BMP1: variants seen among roughly 807,000 people sequenced by gnomAD.
BMP1 encodes the protein mammalian tolloid protein.
BMP1 carries 63 observed loss-of-function variants against 116.8 expected under a neutral mutation model. The observed-to-expected ratio is 0.54, with a 90% confidence interval of 0.44 to 0.67. BMP1 has a LOEUF of 0.67. Among genes scored for constraint, BMP1 ranks in the 30% least tolerant of loss-of-function variants. The pLI is 0.00. For synonymous variants in BMP1, 536 were observed against 533.4 expected (o/e 1.00, Z -0.07); for missense variants, 1,183 against 1,358.9 (o/e 0.87, Z 2.04).
At position 22,176,979 on chromosome 8, in the gene BMP1, T is replaced by C. The variant is rs768438961; in HGVS notation, c.570T>C (p.Gly190=). 1 of 1,610,936 alleles carries C rather than the reference T, an allele frequency of 6.2e-7. No individual in the cohort carries two copies. The highest frequency in any genetic ancestry group is 8.5e-7 in the Non-Finnish European group (1 of 1,178,856). Residue 190 remains glycine (G), a synonymous_variant, in exon 5 of 20, where the codon GGT becomes GGC. Coordinates refer to ENST00000306385, the MANE Select transcript of BMP1 (RefSeq NM_006129.5). ...YRPCGCCSYV[G]RRGGGPQAIS... ...CCTCCAGGTGCTGCTCCTACGTGGG[T>C]CGCCGCGGCGGGGGCCCCCAGGCCA...
At chr8:22,208,494 C>T (rs1241226332) in intron 18 of BMP1, among the ~76,000 whole-genome samples, 1 of 152,164 alleles carries the variant, frequency 6.6e-6, no homozygotes, top group African/African-American at 2.4e-5. Flanking sequence ...AAGAAAGGCA[C>T]CCCGGCCTAA....
In BMP1 at chr8:22,194,958, C is replaced by T. The variant is rs187276485; in HGVS notation, c.1639+39C>T. The T allele has an allele frequency of 9.7e-6, 15 of 1,553,908 alleles. No homozygotes were observed. In the African/African-American group the frequency reaches 1.1e-4, roughly 11 times the overall value. On this transcript the variant is annotated intron_variant, in intron 12 of 19. Coordinates refer to ENST00000306385, the MANE Select transcript of BMP1 (RefSeq NM_006129.5). The surrounding 1 kb of genome is among the most constrained non-coding windows in gnomAD (Gnocchi z 4.5). ...TACTCTCCCCTGCCCCAAGGTGCCT[C>T]GTGACCTTCATCCCTTCTTCACTCA... is the stretch of plus-strand genomic sequence containing the variant.
At chr8:22,193,366 A>C (rs994984161) in intron 9 of BMP1, among the ~76,000 whole-genome samples, 2 of 152,196 alleles carry the variant, frequency 1.3e-5, no homozygotes, top group Non-Finnish European at 2.9e-5. Flanking sequence ...TTCTGATTAT[A>C]TTTCTGATTT....
At chr8:22,195,440 C>T in intron 12 of BMP1, 22 bp from the exon 13 acceptor site, 1 of 1,590,294 alleles carries the variant, frequency 6.3e-7, no homozygotes, top group Non-Finnish European at 8.5e-7. Flanking sequence ...GAGTCTGTGA[C>T]ACCCTTTCCT....
Position 22,179,693 on chromosome 8 carries a change from C to T in BMP1, c.837-12C>T. 6.2e-7 allele frequency: 1 copy of T among 1,613,658 alleles called. No individual in the cohort carries two copies. The highest frequency in any genetic ancestry group is 1.1e-5 in the South Asian group (1 of 91,008). On this transcript the variant is annotated splice_polypyrimidine_tract_variant and intron_variant, in intron 6 of 19. Coordinates refer to ENST00000306385, the MANE Select transcript of BMP1 (RefSeq NM_006129.5). The surrounding 1 kb of genome is among the most constrained non-coding windows in gnomAD (Gnocchi z 4.6). The stretch of plus-strand genomic sequence containing the variant: ...TGAGACGCTCACCCTTACTTTTCTC[C>T]CTCTTCTTCAGGGGCATCTTCCTGG...
Position 22,169,121 on chromosome 8 carries a change from A to G in BMP1, c.148+3568A>G, listed in dbSNP as rs146763079. Among the ~76,000 whole-genome samples the G allele has an allele frequency of 3.4e-3, 511 of 148,938 alleles. 2 individuals are homozygous for G. Among genetic ancestry groups the G allele is most frequent in the Middle Eastern group, 7.0e-3 (2 of 284 alleles). ...GTTCAAGGCTGAGTCCAGGAGCTGG[A>G]GGCTGTAGTGAGCTATGATTGTGCC... On this transcript the variant is annotated intron_variant, in intron 1 of 19. Coordinates refer to ENST00000306385, the MANE Select transcript of BMP1 (RefSeq NM_006129.5).
At chr8:22,187,759 T>G (rs1828818373) in intron 8 of BMP1, among the ~76,000 whole-genome samples, 1 of 152,136 alleles carries the variant, frequency 6.6e-6, no homozygotes, top group South Asian at 2.1e-4. Flanking sequence ...CCAAAAAATC[T>G]TAAGCAAACT....
chr8:22,194,978 C>A lies in BMP1; in HGVS notation c.1639+59C>A. On this transcript the variant is annotated intron_variant, in intron 12 of 19. Coordinates refer to ENST00000306385, the MANE Select transcript of BMP1 (RefSeq NM_006129.5). The surrounding 1 kb of genome is among the most constrained non-coding windows in gnomAD (Gnocchi z 4.5). ...TGCCTCGTGACCTTCATCCCTTCTT[C>A]ACTCACTCATTCAACACGGAGACTC... 1 of 1,501,938 alleles carries A rather than the reference C, an allele frequency of 6.7e-7. No homozygotes were observed. Among genetic ancestry groups the A allele is most frequent in the Non-Finnish European group, 9.0e-7 (1 of 1,107,398 alleles). The allele number at this position is 1,501,938 out of a possible 1,614,324, so 93.0% of individuals were successfully genotyped here.
rs994518053 is a variant in BMP1, at chr8:22,212,032, A to T, written c.*304A>T. The T allele has an allele frequency of 6.9e-6, 3 of 432,726 alleles. No individual in the cohort carries two copies. The highest frequency in any genetic ancestry group is 6.9e-5 in the Admixed American group (2 of 29,192). 26.8% of individuals were successfully genotyped at this position (432,726 alleles called of 1,614,324 possible). Reference sequence around the variant, plus strand: ...GGTGGCAAGAGGGAATGTCAGCAGGACCCCATCGCCATCCCTGTGTCTCTA... The same window carrying T: ...GGTGGCAAGAGGGAATGTCAGCAGGTCCCCATCGCCATCCCTGTGTCTCTA... On this transcript the variant is annotated 3_prime_UTR_variant, in exon 20 of 20. Transcript: ENST00000306385.
intron 8 of BMP1, among the ~76,000 whole-genome samples, chr8:22,190,051 G>C (rs1293844528): frequency 1.3e-5 from 2 of 152,116 alleles, no homozygotes; most frequent in African/African-American, 4.8e-5. Flanking sequence ...CTCCTGAGTA[G>C]CTAGGATTAC....
rs770031594 is a variant in BMP1 at position 22,211,669 on chromosome 8, G to T, written c.2902G>T (p.Gly968Cys). Reference protein sequence around the residue: ...FHSDDTITKKGFHLRYTSTKF... With the variant: ...FHSDDTITKKCFHLRYTSTKF... The stretch of plus-strand genomic sequence containing the variant: ...CTCGGATGACACCATCACCAAAAAA[G>T]GTTTCCACCTGCGATACACCAGCAC... Residue 968 changes from glycine (G) to cysteine (C), a missense_variant, in exon 20 of 20, where the codon GGT becomes TGT. By Grantham distance (159) the Gly-to-Cys change is radical. Coordinates refer to ENST00000306385, the MANE Select transcript of BMP1 (RefSeq NM_006129.5). The T allele has an allele frequency of 2.5e-6, 4 of 1,614,160 alleles. No individual in the cohort carries two copies. The highest frequency in any genetic ancestry group is 3.4e-6 in the Non-Finnish European group (4 of 1,180,030).
chr8:22,176,620 G>A lies in BMP1; in HGVS notation c.521G>A (p.Ser174Asn), dbSNP rs1445249078. 6.2e-7 allele frequency: 1 copy of A among 1,614,194 alleles called. No homozygotes were observed. The highest frequency in any genetic ancestry group is 1.3e-5 in the African/African-American group (1 of 75,050). Reference protein sequence around the residue: ...VTFLERTDEDSYIVFTYRPCG... With the variant: ...VTFLERTDEDNYIVFTYRPCG... Reference sequence around the variant, plus strand: ...TTCCTGGAGCGCACTGACGAGGACAGCTATATTGTGTTCACCTATCGACCT... The same window carrying A: ...TTCCTGGAGCGCACTGACGAGGACAACTATATTGTGTTCACCTATCGACCT... Residue 174 changes from serine to asparagine, a missense_variant, in exon 4 of 20, where the codon AGC becomes AAC. By Grantham distance (46) the Ser-to-Asn change is conservative. Coordinates refer to ENST00000306385, the MANE Select transcript of BMP1 (RefSeq NM_006129.5).
intron 18 of BMP1, 56 bp from the exon 19 acceptor site, chr8:22,209,389 A>G (rs1213571897): frequency 1.9e-6 from 3 of 1,591,688 alleles, no homozygotes; most frequent in Non-Finnish European, 2.6e-6. Context: ...ATAGTGTGCC[A>G]TGGGGCCTGG....
Position 22,180,350 on chromosome 8 carries a change from C to A in BMP1, c.962-18C>A. 6.2e-7 allele frequency: 1 copy of A among 1,600,138 alleles called. No homozygotes were observed. Among genetic ancestry groups the A allele is most frequent in the Non-Finnish European group, 8.6e-7 (1 of 1,167,608 alleles). ...TTTGGCGCCTGCAGCCCTGCCCTGTCATTTCCTTTCCTCACAGCCTGTGGA... is the reference window on the plus strand; with the variant it reads ...TTTGGCGCCTGCAGCCCTGCCCTGTAATTTCCTTTCCTCACAGCCTGTGGA... On this transcript the variant is annotated intron_variant, in intron 7 of 19. Transcript: ENST00000306385.
rs1829020088 is a variant in BMP1, at chr8:22,194,462, G to A, written c.1315G>A (p.Val439Met). 1.9e-6 allele frequency: 3 copies of A among 1,614,152 alleles called. No homozygotes were observed. Among genetic ancestry groups the A allele is most frequent in the Non-Finnish European group, 2.5e-6 (3 of 1,180,026 alleles). ...AVYEAICGGD[V>M]KKDYGHIQSP... ...CCCCACAGCCATCTGCGGGGGTGAT[G>A]TGAAAAAGGACTATGGCCACATTCA... Residue 439 changes from valine to methionine, a missense_variant, in exon 11 of 20, where the codon GTG (valine) becomes ATG (methionine). Coordinates refer to ENST00000306385, the MANE Select transcript of BMP1 (RefSeq NM_006129.5). The surrounding 1 kb of genome is among the most constrained non-coding windows in gnomAD (Gnocchi z 4.5).
rs1242770683 is a variant in BMP1, at chr8:22,179,638, G to A, written c.837-67G>A. ...GGTCGTGACTTGTGGGTACAGATGG[G>A]CATGCCACCCACTCCCTGCCCACTG... On this transcript the variant is annotated intron_variant, in intron 6 of 19. Coordinates refer to ENST00000306385, the MANE Select transcript of BMP1 (RefSeq NM_006129.5). This position sits in a 1 kb window ranked among gnomAD's most constrained non-coding sequence, Gnocchi z 4.6. The A allele has an allele frequency of 3.7e-6, 6 of 1,606,242 alleles. No homozygotes were observed. The Admixed American group carries it at 5.0e-5, about 13-fold the overall frequency.
At chr8:22,196,117 G>A (rs1425137244) in intron 13 of BMP1, 1 of 498,794 alleles carries the variant, frequency 2.0e-6, no homozygotes, top group Non-Finnish European at 4.0e-6. Context: ...CATTCTTGGG[G>A]TGTTTTCGGG....
Position 22,180,557 on chromosome 8 carries a change from G to A in BMP1, c.1077+74G>A, listed in dbSNP as rs902777878. 4.3e-6 allele frequency: 6 copies of A among 1,402,700 alleles called. No homozygotes were observed. The African/African-American group carries it at 7.1e-5, about 17-fold the overall frequency. 86.9% of individuals were successfully genotyped at this position (1,402,700 alleles called of 1,614,324 possible). A position where few individuals can be genotyped will look rare whatever the true frequency, so the allele number is the denominator to read the frequency against. On this transcript the variant is annotated intron_variant, in intron 8 of 19. Transcript: ENST00000306385. The stretch of plus-strand genomic sequence containing the variant: ...ATACCTCAGGGACTTCTCCCACAGT[G>A]GGGGTCAATATGGGTGCCAGCGACC...
At chr8:22,198,947 C>G (rs1397356789) in intron 15 of BMP1, 1 of 1,264,780 alleles carries the variant, frequency 7.9e-7, no homozygotes, top group Non-Finnish European at 1.0e-6. Flanking sequence ...ATGTAACACC[C>G]ACTCGGGGCA....
Sources: gnomAD v4.1 joint callset for allele counts (sites outside exome capture counted in the v4.1 genomes callset) on GRCh38, gnomAD v4.1.1 for gene constraint, Gnocchi (gnomAD v3.1) non-coding constraint, MANE v1.5 for transcripts, NCBI Gene and HGNC (gene_info 2026-07-23, HGNC 2026-07-21) for gene names.